The following NLGN1 variants were observed in gnomAD, a reference collection of about 807,000 sequenced individuals.
The protein encoded by NLGN1 is neuroligin 1, also known as neuroligin-1.
Under a neutral mutation model 65.5 loss-of-function variants are expected in NLGN1, and 12 were observed. The ratio of observed to expected loss-of-function variants is 0.18; its 90% CI spans 0.12 to 0.30. The LOEUF (loss-of-function observed/expected upper bound fraction) is 0.30, where lower values mean the gene tolerates loss of function less well. Among genes scored for constraint, NLGN1 ranks in the 10% least tolerant of loss-of-function variants. The pLI is 1.00. For synonymous variants in NLGN1, 350 were observed against 359.5 expected (o/e 0.97, Z 0.30); for missense variants, 750 against 1,007.1 (o/e 0.74, Z 3.46).
At chr3:174,099,799 T>C (rs1711975381) in intron 4 of NLGN1, among the ~76,000 whole-genome samples, 1 of 152,130 alleles carries the variant, frequency 6.6e-6, no homozygotes, top group South Asian at 2.1e-4. Context: ...AACTTGTTAG[T>C]TAATTCTTAT....
At chr3:173,944,124 G>GGTGT (rs1553897255) in intron 4 of NLGN1, among the ~76,000 whole-genome samples, 5,156 of 139,534 alleles carry the variant, frequency 0.037, 115 homozygotes, top group Middle Eastern at 0.054. Context: ...TAATATTATG[G>GGTGT]GTGTGTGTGT....
intron 3 of NLGN1, among the ~76,000 whole-genome samples, chr3:173,707,447 A>G (rs1339073074): frequency 6.6e-6 from 1 of 152,206 alleles, no homozygotes; most frequent in Non-Finnish European, 1.5e-5. Flanking sequence ...GTAATGAAGA[A>G]TAAACAAGAT....
At chr3:173,874,930 G>A (rs756407461) in intron 4 of NLGN1, among the ~76,000 whole-genome samples, 5 of 152,208 alleles carry the variant, frequency 3.3e-5, no homozygotes, top group African/African-American at 4.8e-5. Context: ...GACTATTGCC[G>A]TTTATGACTA....
At chr3:173,507,069 G>A (rs1190894643) in intron 2 of NLGN1, among the ~76,000 whole-genome samples, 1 of 152,112 alleles carries the variant, frequency 6.6e-6, no homozygotes, top group Non-Finnish European at 1.5e-5. Context: ...AGATTTTAAT[G>A]TAGAGTTGGG....
chr3:173,452,156 T>C (rs1721684422), intron 2 of NLGN1, among the ~76,000 whole-genome samples: 1 of 152,052 alleles, frequency 6.6e-6, no homozygotes, highest in Non-Finnish European at 1.5e-5. Flanking sequence ...TCACTCGCGC[T>C]GGGAGCTGTA....
At chr3:174,160,116 A>C (rs890616098) in intron 4 of NLGN1, among the ~76,000 whole-genome samples, 2 of 151,842 alleles carry the variant, frequency 1.3e-5, no homozygotes, top group African/African-American at 4.8e-5. Flanking sequence ...ACACACACAC[A>C]CATGCTCTAT....
chr3:173,465,238 T>C (rs181764687), intron 2 of NLGN1, among the ~76,000 whole-genome samples: 12 of 152,312 alleles, frequency 7.9e-5, no homozygotes, highest in Admixed American at 2.6e-4. Context: ...CTGGCTTTTG[T>C]AGACAAGAGC....
Position 173,978,948 on chromosome 3 carries a change from C to T in NLGN1, c.646+171116C>T, listed in dbSNP as rs148488419. Among the ~76,000 whole-genome samples, 724 of 151,220 alleles carry T rather than the reference C, an allele frequency of 4.8e-3. 6 individuals are homozygous for T. The highest frequency in any genetic ancestry group is 0.017 in the African/African-American group (682 of 41,204). On this transcript the variant is annotated intron_variant, in intron 4 of 6. Transcript: ENST00000457714. The stretch of plus-strand genomic sequence containing the variant: ...TGAACCCTGGAGGCAGAGATTGCAG[C>T]GAGCCAAGATCATGCTACCACACTC...
At chr3:173,935,080 C>T (rs1160561345) in intron 4 of NLGN1, among the ~76,000 whole-genome samples, 2 of 151,988 alleles carry the variant, frequency 1.3e-5, no homozygotes, top group African/African-American at 2.4e-5. Context: ...CCAATCATTG[C>T]TCTTAAATTC....
chr3:173,731,929 G>C (rs1772926151), intron 3 of NLGN1, among the ~76,000 whole-genome samples: 1 of 151,734 alleles, frequency 6.6e-6, no homozygotes, highest in Non-Finnish European at 1.5e-5. Flanking sequence ...AACTCACTGA[G>C]GAATAAAATC....
At chr3:173,706,114 G>A (rs557527413) in intron 3 of NLGN1, among the ~76,000 whole-genome samples, 1 of 152,166 alleles carries the variant, frequency 6.6e-6, no homozygotes, top group African/African-American at 2.4e-5. Flanking sequence ...GTGTTAAATA[G>A]AGCATGAGAG....
At chr3:173,969,963 T>G (rs1403600153) in intron 4 of NLGN1, among the ~76,000 whole-genome samples, 1 of 152,066 alleles carries the variant, frequency 6.6e-6, no homozygotes, top group Non-Finnish European at 1.5e-5. Flanking sequence ...TTGCCTATTT[T>G]TATTATATAA....
At chr3:174,111,212 G>A (rs1369570084) in intron 4 of NLGN1, among the ~76,000 whole-genome samples, 1 of 151,886 alleles carries the variant, frequency 6.6e-6, no homozygotes. Flanking sequence ...CCACAGTATG[G>A]CTACATAAGC....
At chr3:173,769,348 A>G (rs543896228) in intron 3 of NLGN1, among the ~76,000 whole-genome samples, 1 of 152,266 alleles carries the variant, frequency 6.6e-6, no homozygotes, top group African/African-American at 2.4e-5. Context: ...TGTGACTTCT[A>G]TGCTCAAATG....
At chr3:173,698,787 G>C (rs1766641277) in intron 3 of NLGN1, among the ~76,000 whole-genome samples, 1 of 152,110 alleles carries the variant, frequency 6.6e-6, no homozygotes, top group African/African-American at 2.4e-5. Flanking sequence ...TTGGAGCTAA[G>C]AGAATGCCAG....
chr3:173,648,685 G>T (rs1402894049), intron 3 of NLGN1, among the ~76,000 whole-genome samples: 1 of 151,606 alleles, frequency 6.6e-6, no homozygotes, highest in African/African-American at 2.4e-5. Context: ...AGCCATTCTT[G>T]TGTCTCACCT....
chr3:173,440,948 A>G (rs1328760362), intron 2 of NLGN1, among the ~76,000 whole-genome samples: 1 of 152,170 alleles, frequency 6.6e-6, no homozygotes, highest in Non-Finnish European at 1.5e-5. Flanking sequence ...CTGACATTGA[A>G]AATTTGTTGC....
At chr3:173,709,220 C>G (rs901341101) in intron 3 of NLGN1, among the ~76,000 whole-genome samples, 1 of 152,166 alleles carries the variant, frequency 6.6e-6, no homozygotes, top group Non-Finnish European at 1.5e-5. Context: ...GGGCTCTGTT[C>G]TGCAACATGG....
intron 1 of NLGN1, among the ~76,000 whole-genome samples, chr3:173,418,150 C>T (rs1244306433): frequency 6.7e-6 from 1 of 150,170 alleles, no homozygotes; most frequent in Non-Finnish European, 1.5e-5. Context: ...ACATTTCTTT[C>T]ACATATTAAT....
Sources: gnomAD v4.1 joint callset for allele counts (sites outside exome capture counted in the v4.1 genomes callset) on GRCh38, gnomAD v4.1.1 for gene constraint, MANE v1.5 for transcripts, NCBI Gene and HGNC (gene_info 2026-07-23, HGNC 2026-07-21) for gene names.